PLXND1: variants seen among roughly 807,000 people sequenced by gnomAD.
PLXND1 encodes plexin-D1.
PLXND1 carries 54 observed loss-of-function variants against 197.7 expected under a neutral mutation model. That is an observed-to-expected ratio of 0.27 (90% CI 0.22 to 0.34). PLXND1 has a LOEUF of 0.34. Among genes scored for constraint, PLXND1 ranks in the 10% least tolerant of loss-of-function variants. PLXND1 has a pLI of 1.00. For synonymous variants in PLXND1, 1,180 were observed against 1,161.2 expected, an observed-to-expected ratio of 1.02 and a Z score of -0.33; for missense variants, 2,127 against 2,699.2, an observed-to-expected ratio of 0.79 and a Z score of 4.70.
chr3:129,556,899 C>T, intron 34 of PLXND1, 184 bp downstream of exon 34: 1 of 732,944 alleles, frequency 1.4e-6, no homozygotes, highest in Non-Finnish European at 2.2e-6. Flanking sequence ...TGCTCTCCTG[C>T]CCCCGCTCCT....
At chr3:129,604,624 A>ATAGG (rs1335850760) in intron 1 of PLXND1, among the ~76,000 whole-genome samples, 1 of 152,238 alleles carries the variant, frequency 6.6e-6, no homozygotes, top group African/African-American at 2.4e-5. Context: ...TATTTGCAGA[A>ATAGG]TAGGTGAATA....
At chr3:129,561,494 C>A in intron 29 of PLXND1, 152 bp downstream of exon 29, 1 of 619,292 alleles carries the variant, frequency 1.6e-6, no homozygotes, top group South Asian at 1.9e-5. Flanking sequence ...AGTACTGGGT[C>A]AGAGGAGGCT....
At chr3:129,584,989 C>T (rs75777138) in intron 5 of PLXND1, among the ~76,000 whole-genome samples, 1,611 of 152,244 alleles carry the variant, frequency 0.011, 35 homozygotes, top group African/African-American at 0.036. Context: ...CGCTCCCCAC[C>T]CCTGTTCTGC....
At chr3:129,599,420 C>T (rs960194420) in intron 1 of PLXND1, among the ~76,000 whole-genome samples, 1 of 152,216 alleles carries the variant, frequency 6.6e-6, no homozygotes, top group Non-Finnish European at 1.5e-5. Context: ...GGGAAGTTGG[C>T]CCCAGGGTCC....
Position 129,571,094 on chromosome 3 carries a change from C to G in PLXND1, c.3546G>C (p.Lys1182Asn), listed in dbSNP as rs1235120980. Residue 1182 changes from lysine (K) to asparagine (N), a missense_variant, in exon 18 of 36, where the codon AAG becomes AAC. Coordinates refer to ENST00000324093, the MANE Select transcript of PLXND1 (RefSeq NM_015103.3). ...GGTGGTGCTTGATCCACTTCTCCCTCTTGGCCGTAGAGAACTGTGGGTTGG... is the reference window on the plus strand; with the variant it reads ...GGTGGTGCTTGATCCACTTCTCCCTGTTGGCCGTAGAGAACTGTGGGTTGG... The part of the protein sequence containing the change: ...YLPNPQFSTA[K>N]REKWIKHHPG... The G allele has an allele frequency of 1.2e-6, 2 of 1,614,200 alleles. No individual in the cohort carries two copies. Among genetic ancestry groups the G allele is most frequent in the Non-Finnish European group, 1.7e-6 (2 of 1,180,010 alleles).
intron 9 of PLXND1, 129 bp from the exon 10 acceptor site, chr3:129,575,984 G>T: frequency 1.5e-6 from 1 of 671,202 alleles, no homozygotes; most frequent in South Asian, 1.7e-5. Flanking sequence ...TCAGGCCTTT[G>T]CATGGGCTGT....
chr3:129,598,193 T>C (rs1417537741), intron 1 of PLXND1, among the ~76,000 whole-genome samples: 1 of 152,152 alleles, frequency 6.6e-6, no homozygotes, highest in South Asian at 2.1e-4. Flanking sequence ...TCTCTGAGCC[T>C]TTGCCCCTAT....
intron 17 of PLXND1, 29 bp from the exon 18 acceptor site, chr3:129,571,332 C>T (rs552673642): frequency 4.4e-6 from 7 of 1,601,136 alleles, no homozygotes; most frequent in South Asian, 2.2e-5. Flanking sequence ...GGGCCCAGGC[C>T]GGGATGCAGG....
At position 129,573,560 on chromosome 3, in the gene PLXND1, G is replaced by A. The variant is rs199835999; in HGVS notation, c.2837+34C>T. ...GGACAGAGCAGAGGCTGGCACTGCT[G>A]GAGAAGGTAGGTGGGGGCACCGTGG... On this transcript the variant is annotated intron_variant, in intron 13 of 35. Coordinates refer to ENST00000324093, the MANE Select transcript of PLXND1 (RefSeq NM_015103.3). 366 of 1,597,470 alleles carry A rather than the reference G, an allele frequency of 2.3e-4. 1 individual carries two copies. The highest frequency in any genetic ancestry group is 6.9e-4 in the Admixed American group (41 of 59,626).
intron 7 of PLXND1, 68 bp downstream of exon 7, chr3:129,584,057 G>T: frequency 9.6e-7 from 1 of 1,045,858 alleles, no homozygotes; most frequent in Non-Finnish European, 1.5e-6. Context: ...CCCCCTGAAA[G>T]CAAAGACCCT....
chr3:129,595,721 T>G (rs551559347), intron 1 of PLXND1, among the ~76,000 whole-genome samples: 115 of 152,064 alleles, frequency 7.6e-4, no homozygotes, highest in African/African-American at 2.6e-3. Context: ...CTGGACACCA[T>G]CTGGAAGGGC....
rs1379559176 is a variant in PLXND1 at position 129,556,421 on chromosome 3, G to A, written c.5669C>T (p.Ala1890Val). 6.2e-7 allele frequency: 1 copy of A among 1,613,672 alleles called. No individual in the cohort carries two copies. Among genetic ancestry groups the A allele is most frequent in the Non-Finnish European group, 8.5e-7 (1 of 1,179,546 alleles). The change falls in exon 36 of 36, where the codon GCC (alanine) becomes GTC (valine). Residue 1890 changes from alanine (A) to valine (V), a missense_variant. Physicochemically the swap from Ala to Val is moderately conservative, Grantham distance 64. This residue lies in a region of PLXND1 where 200 missense variants were observed against 303.3 expected (regional missense o/e 0.66). Coordinates refer to ENST00000324093, the MANE Select transcript of PLXND1 (RefSeq NM_015103.3). ...YAKRYRPQIM[A>V]ALEANPTARR... is the part of the protein sequence containing the mutation. ...GGCCGTGGGGTTGGCCTCCAGCGCGGCCATGATCTGAGGGGAGCAGCGGAG... is the reference window on the plus strand; with the variant it reads ...GGCCGTGGGGTTGGCCTCCAGCGCGACCATGATCTGAGGGGAGCAGCGGAG...
chr3:129,559,413 T>G, intron 32 of PLXND1: 1 of 509,810 alleles, frequency 2.0e-6, no homozygotes, highest in Non-Finnish European at 3.5e-6. Context: ...TCTAGTTAAT[T>G]CCCACCATTA....
chr3:129,561,553 CCTCT>C, intron 29 of PLXND1, 89 bp downstream of exon 29: 2 of 967,946 alleles, frequency 2.1e-6, no homozygotes, highest in Non-Finnish European at 3.1e-6. Flanking sequence ...GCCAGCCCTG[CCTCT>C]CGGAGCCTCA....
intron 8 of PLXND1, among the ~76,000 whole-genome samples, chr3:129,579,003 C>T (rs1373054610): frequency 6.6e-6 from 1 of 152,188 alleles, no homozygotes; most frequent in African/African-American, 2.4e-5. Context: ...TCCCCACAGC[C>T]CGGGTATAAG....
chr3:129,598,612 G>T (rs2085662068), intron 1 of PLXND1, among the ~76,000 whole-genome samples: 3 of 152,156 alleles, frequency 2.0e-5, no homozygotes, highest in Admixed American at 2.0e-4. Context: ...AGCTCTGCAG[G>T]CCACCCTGAA....
intron 20 of PLXND1, 51 bp downstream of exon 20, chr3:129,569,792 G>A (rs746313986): frequency 9.9e-7 from 1 of 1,006,776 alleles, no homozygotes; most frequent in South Asian, 1.3e-5. Flanking sequence ...AGGGGCTGGG[G>A]CAAGGTGGCA....
intron 9 of PLXND1, 118 bp downstream of exon 9, chr3:129,578,211 G>A (rs906423693): frequency 8.4e-6 from 6 of 713,454 alleles, no homozygotes; most frequent in African/African-American, 7.1e-5. Flanking sequence ...ACACAGGTGC[G>A]AAAGCACTGC....
chr3:129,562,233 C>T (rs1327694109), intron 27 of PLXND1, among the ~76,000 whole-genome samples: 1 of 151,966 alleles, frequency 6.6e-6, no homozygotes, highest in Non-Finnish European at 1.5e-5. Context: ...CCACTCCAGG[C>T]CCCGCGCGGT....
Sources: allele counts gnomAD v4.1 joint callset (sites outside exome capture counted in the v4.1 genomes callset), GRCh38; gene constraint gnomAD v4.1.1; regional missense constraint gnomAD v4.1.1; transcripts MANE v1.5; gene names NCBI Gene and HGNC (gene_info 2026-07-23, HGNC 2026-07-21).